Variants in SECISBP2L observed in about 807,000 individuals in gnomAD.
The protein encoded by SECISBP2L is SECIS binding protein 2 like, also known as selenocysteine insertion sequence-binding protein 2-like.
SECISBP2L carries 43 observed loss-of-function variants against 114.7 expected under a neutral mutation model. The ratio of observed to expected loss-of-function variants is 0.38; its 90% CI spans 0.29 to 0.48. The LOEUF (loss-of-function observed/expected upper bound fraction) is 0.48. Among genes scored for constraint, SECISBP2L ranks in the 20% least tolerant of loss-of-function variants. SECISBP2L has a pLI of 0.98. For synonymous variants in SECISBP2L, 451 were observed against 439.7 expected (o/e 1.03, Z -0.32); for missense variants, 1,136 against 1,301.1 (o/e 0.87, Z 1.95).
At chr15:49,045,076 AGT>A (rs1903214281) in intron 1 of SECISBP2L, among the ~76,000 whole-genome samples, 2 of 152,338 alleles carry the variant, frequency 1.3e-5, no homozygotes, top group South Asian at 4.1e-4. Flanking sequence ...TAAATGCCTA[AGT>A]GTATTTGCCA....
At chr15:49,041,110 A>T (rs1903120117) in intron 1 of SECISBP2L, among the ~76,000 whole-genome samples, 1 of 152,210 alleles carries the variant, frequency 6.6e-6, no homozygotes, top group African/African-American at 2.4e-5. Flanking sequence ...GTCTTCATAA[A>T]GGAAATAAAT....
intron 2 of SECISBP2L, among the ~76,000 whole-genome samples, chr15:49,035,983 C>T (rs1902997857): frequency 2.0e-5 from 3 of 152,228 alleles, no homozygotes; most frequent in African/African-American, 7.2e-5. Flanking sequence ...GCTACTGTAT[C>T]TACCAACAAT....
At chr15:49,018,980 G>T (rs535076485) in intron 8 of SECISBP2L, among the ~76,000 whole-genome samples, 1 of 152,304 alleles carries the variant, frequency 6.6e-6, no homozygotes, top group East Asian at 1.9e-4. Context: ...ATTAGGATAT[G>T]AACTGTCTAT....
intron 6 of SECISBP2L, among the ~76,000 whole-genome samples, chr15:49,027,794 A>C (rs1902778217): frequency 6.6e-6 from 1 of 152,054 alleles, no homozygotes; most frequent in African/African-American, 2.4e-5. Context: ...TATTTTTACT[A>C]GAGATTGGGT....
At chr15:49,023,301 G>C (rs532708671) in intron 7 of SECISBP2L, among the ~76,000 whole-genome samples, 1 of 152,120 alleles carries the variant, frequency 6.6e-6, no homozygotes, top group East Asian at 1.9e-4. Context: ...GATAGGACCA[G>C]GTAAGTTCAC....
At position 49,037,631 on chromosome 15, in the gene SECISBP2L, T is replaced by C. The variant is rs150653088; in HGVS notation, c.163A>G (p.Ile55Val). ...VEPTPIPSYL[I>V]TCYPFVQENQ... ...TCCTGCACAAATGGGTAACAAGTAA[T>C]CAGGTAGCTGGGAATTGGAGTTGGT... Residue 55 changes from isoleucine to valine, a missense_variant, in exon 2 of 18, where the codon ATT becomes GTT. Coordinates refer to ENST00000559471, the MANE Select transcript of SECISBP2L (RefSeq NM_001193489.2). 6.9e-4 allele frequency: 1,110 copies of C among 1,613,724 alleles called. 15 individuals are homozygous for C. The South Asian group carries it at 8.2e-3, about 12-fold the overall frequency.
chr15:49,026,098 AT>A (rs1269008963), intron 7 of SECISBP2L, among the ~76,000 whole-genome samples: 1 of 152,166 alleles, frequency 6.6e-6, no homozygotes, highest in African/African-American at 2.4e-5. Flanking sequence ...CTAGAGGACA[AT>A]ATGTTAAGTG....
chr15:49,018,813 A>G (rs1299435969), intron 8 of SECISBP2L, among the ~76,000 whole-genome samples: 2 of 152,114 alleles, frequency 1.3e-5, no homozygotes, highest in Non-Finnish European at 2.9e-5. Flanking sequence ...AACCACACTC[A>G]ACTAAGTATT....
At chr15:49,032,465 A>G (rs1037972847) in intron 4 of SECISBP2L, among the ~76,000 whole-genome samples, 8 of 152,226 alleles carry the variant, frequency 5.3e-5, no homozygotes, top group Non-Finnish European at 2.9e-5. Context: ...TGACAAAATG[A>G]TATTTGACTA....
chr15:49,030,864 A>G (rs1902869560), intron 4 of SECISBP2L, among the ~76,000 whole-genome samples: 1 of 152,060 alleles, frequency 6.6e-6, no homozygotes, highest in Non-Finnish European at 1.5e-5. Context: ...AGGAATTAAG[A>G]TGGCTTTACA....
intron 6 of SECISBP2L, 137 bp from the exon 7 acceptor site, chr15:49,027,617 T>A: frequency 2.1e-6 from 1 of 481,356 alleles, no homozygotes. Flanking sequence ...ATTATTTTTT[T>A]TTTTTTTTGA....
chr15:49,009,173 G>T, intron 14 of SECISBP2L, 43 bp downstream of exon 14: 1 of 1,581,474 alleles, frequency 6.3e-7, no homozygotes, highest in Middle Eastern at 1.7e-4. Flanking sequence ...CTACAATCAA[G>T]ATCCTTAAAC....
intron 15 of SECISBP2L, 44 bp downstream of exon 15, chr15:49,000,833 C>G: frequency 6.8e-7 from 1 of 1,464,626 alleles, no homozygotes; most frequent in Non-Finnish European, 9.4e-7. Flanking sequence ...CTGTATATCC[C>G]ACAGCTATAC....
chr15:49,033,149 G>T (rs1446932998), intron 3 of SECISBP2L, 49 bp from the exon 4 acceptor site: 2 of 1,555,746 alleles, frequency 1.3e-6, no homozygotes, highest in Non-Finnish European at 1.7e-6. Flanking sequence ...ACTATTCAAT[G>T]TACTGAACAT....
rs112633883 is a variant in SECISBP2L at position 48,997,097 on chromosome 15, T to C, written c.2404-511A>G. 3.2e-3 allele frequency among the ~76,000 whole-genome samples: 487 copies of C among 152,344 alleles called. 1 individual carries two copies. The highest frequency in any genetic ancestry group is 0.011 in the African/African-American group (463 of 41,592). On this transcript the variant is annotated intron_variant, in intron 16 of 17. Transcript: ENST00000559471. ...TCATGAAGGGAAGATGACATCAGCA[T>C]TGGCCTTGAAAAAGGTACAATTTTG...
intron 16 of SECISBP2L, among the ~76,000 whole-genome samples, chr15:48,997,285 A>C (rs1488829756): frequency 1.3e-5 from 2 of 152,250 alleles, no homozygotes; most frequent in Non-Finnish European, 2.9e-5. Flanking sequence ...ATGTAGAAGA[A>C]GATGGCAGTC....
rs1197575941 is a variant in SECISBP2L, at chr15:48,991,222, G to A, written c.*1022C>T. On this transcript the variant is annotated 3_prime_UTR_variant, in exon 18 of 18. Transcript: ENST00000559471. Reference sequence around the variant, plus strand: ...AGTTCCTTTCCTTGACCTCCTGACAGTAACTATGGTCATTGCTATGTGGAA... The same window carrying A: ...AGTTCCTTTCCTTGACCTCCTGACAATAACTATGGTCATTGCTATGTGGAA... The A allele has an allele frequency of 6.6e-6, 1 of 152,190 alleles. No homozygotes were observed. The highest frequency in any genetic ancestry group is 1.5e-5 in the Non-Finnish European group (1 of 68,036). 9.4% of individuals were successfully genotyped at this position (152,190 alleles called of 1,614,324 possible).
intron 9 of SECISBP2L, 77 bp from the exon 10 acceptor site, chr15:49,017,092 G>A: frequency 6.8e-7 from 1 of 1,462,004 alleles, no homozygotes; most frequent in Non-Finnish European, 9.3e-7. Flanking sequence ...CCAGAATGTG[G>A]GATGTTCTGC....
chr15:49,030,751 T>C (rs2141081329), intron 4 of SECISBP2L, among the ~76,000 whole-genome samples: 1 of 152,344 alleles, frequency 6.6e-6, no homozygotes, highest in South Asian at 2.1e-4. Flanking sequence ...AGTAATGCTA[T>C]CTGTCATCTT....
Sources: allele counts gnomAD v4.1 joint callset (sites outside exome capture counted in the v4.1 genomes callset), GRCh38; gene constraint gnomAD v4.1.1; transcripts MANE v1.5; gene names NCBI Gene and HGNC (gene_info 2026-07-23, HGNC 2026-07-21).